The following DACH2 variants were observed in gnomAD, a reference collection of about 807,000 sequenced individuals.
DACH2 encodes dachshund homolog 2.
DACH2 carries 17 observed loss-of-function variants against 35.8 expected under a neutral mutation model. The observed-to-expected ratio is 0.48, with a 90% confidence interval of 0.33 to 0.71. The LOEUF is 0.71. Ranked by LOEUF, DACH2 falls within the 30% of genes least tolerant of loss-of-function variation. The pLI is 0.02. For missense variants in DACH2, 469 were observed against 472.7 expected (o/e 0.99, Z 0.07); for synonymous variants, 195 against 177.3 (o/e 1.10, Z -0.79).
chrX:86,319,217 C>T (rs771994078), intron 1 of DACH2, among the ~76,000 whole-genome samples: 1 of 112,260 alleles, frequency 8.9e-6, no homozygotes, highest in South Asian at 3.7e-4. Context: ...CACAGAGTTT[C>T]CTTTGCAAGA....
intron 2 of DACH2, among the ~76,000 whole-genome samples, chrX:86,437,238 G>A (rs1190346666): frequency 9.0e-6 from 1 of 111,524 alleles, no homozygotes; most frequent in African/African-American, 3.3e-5. Context: ...TAATGATCAA[G>A]TTGGGATATT....
chrX:86,620,279 C>T (rs1350611669), intron 3 of DACH2, among the ~76,000 whole-genome samples: 4 of 111,493 alleles, frequency 3.6e-5, no homozygotes, highest in African/African-American at 9.8e-5. Context: ...AGAAAAAGGC[C>T]GTGAACTAGG....
rs779474589 is a variant in DACH2, at chrX:86,803,275, C to A, written c.1241-9581C>A. ...TGTGTGTGGGAGAGAAAGGTTTATGCTTTAAATTTTTTTGCTCAGAGGACT... is the reference window on the plus strand; with the variant it reads ...TGTGTGTGGGAGAGAAAGGTTTATGATTTAAATTTTTTTGCTCAGAGGACT... On this transcript the variant is annotated intron_variant, in intron 7 of 11. Coordinates refer to ENST00000373125, the MANE Select transcript of DACH2 (RefSeq NM_053281.3). Among the ~76,000 whole-genome samples, 3 of 111,637 alleles carry A rather than the reference C, an allele frequency of 2.7e-5. No homozygotes were observed. In the East Asian group the frequency reaches 8.5e-4, roughly 31 times the overall value.
intron 3 of DACH2, among the ~76,000 whole-genome samples, chrX:86,642,251 G>A (rs80086331): frequency 0.094 from 10,429 of 110,963 alleles, 500 homozygotes; most frequent in South Asian, 0.33. Context: ...AAAATAAAGG[G>A]ATGTAGAAAA....
intron 4 of DACH2, among the ~76,000 whole-genome samples, chrX:86,653,113 C>T (rs1314031627): frequency 1.8e-5 from 2 of 111,698 alleles, no homozygotes; most frequent in East Asian, 5.6e-4. Flanking sequence ...TTTGTATATG[C>T]TGTAAAGAAC....
At chrX:86,722,529 TTA>T in intron 6 of DACH2, among the ~76,000 whole-genome samples, 1 of 109,002 alleles carries the variant, frequency 9.2e-6, no homozygotes, top group East Asian at 2.9e-4. Flanking sequence ...GTTTTTTTTT[TTA>T]TTTTATTTTT....
At chrX:86,247,486 C>A (rs2033309589) in intron 1 of DACH2, among the ~76,000 whole-genome samples, 1 of 111,594 alleles carries the variant, frequency 9.0e-6, no homozygotes, top group South Asian at 3.7e-4. Flanking sequence ...GTGATTATTA[C>A]AAATACCTTT....
chrX:86,346,626 C>T (rs1036400542), intron 1 of DACH2, among the ~76,000 whole-genome samples: 1 of 111,659 alleles, frequency 9.0e-6, no homozygotes, highest in Non-Finnish European at 1.9e-5. Flanking sequence ...CTTATTTTCT[C>T]GCTATATATT....
intron 11 of DACH2, among the ~76,000 whole-genome samples, chrX:86,820,517 A>G (rs1463621557): frequency 9.1e-6 from 1 of 110,017 alleles, no homozygotes; most frequent in Admixed American, 9.8e-5. Flanking sequence ...TATTAAGAGT[A>G]CAGACTGGCC....
chrX:86,281,103 C>A (rs982252689), intron 1 of DACH2, among the ~76,000 whole-genome samples: 6 of 111,197 alleles, frequency 5.4e-5, no homozygotes, highest in Non-Finnish European at 1.1e-4. Flanking sequence ...GAAAACCTAA[C>A]AGATATCTAC....
At chrX:86,772,626 G>T (rs2041997333) in intron 7 of DACH2, among the ~76,000 whole-genome samples, 1 of 111,686 alleles carries the variant, frequency 9.0e-6, no homozygotes, top group Non-Finnish European at 1.9e-5. Flanking sequence ...TGAAAACAAA[G>T]AATATTGTGT....
chrX:86,369,451 C>A (rs2035854303), intron 1 of DACH2, among the ~76,000 whole-genome samples: 1 of 110,605 alleles, frequency 9.0e-6, no homozygotes, highest in Admixed American at 9.7e-5. Flanking sequence ...TTTTGACTCC[C>A]AGTAATACAT....
chrX:86,456,349 C>G (rs2148203971), intron 2 of DACH2, among the ~76,000 whole-genome samples: 1 of 111,890 alleles, frequency 8.9e-6, no homozygotes, highest in East Asian at 2.8e-4. Flanking sequence ...CTTAACATAT[C>G]AATTATAATT....
At chrX:86,462,923 T>C (rs1342290751) in intron 2 of DACH2, among the ~76,000 whole-genome samples, 1 of 111,682 alleles carries the variant, frequency 9.0e-6, no homozygotes, top group African/African-American at 3.2e-5. Context: ...CACTAAGTTA[T>C]AGCAAGGTCT....
chrX:86,687,976 G>A (rs2040966848), intron 4 of DACH2, among the ~76,000 whole-genome samples: 1 of 110,521 alleles, frequency 9.0e-6, no homozygotes, highest in African/African-American at 3.3e-5. Flanking sequence ...AACCACCAGG[G>A]CAAGTGTATA....
chrX:86,403,140 T>C (rs2036464319), intron 2 of DACH2, among the ~76,000 whole-genome samples: 1 of 112,334 alleles, frequency 8.9e-6, no homozygotes, highest in Non-Finnish European at 1.9e-5. Flanking sequence ...AAACTTTGAC[T>C]AAGTCCTCAA....
At chrX:86,801,770 A>G (rs1300828246) in intron 7 of DACH2, among the ~76,000 whole-genome samples, 1 of 112,242 alleles carries the variant, frequency 8.9e-6, no homozygotes, top group Non-Finnish European at 1.9e-5. Flanking sequence ...TAATCCTCTG[A>G]AATATCTTCT....
rs1300429426 is a variant in DACH2 at position 86,369,136 on chromosome X, A to C, written c.489-7688A>C. 7.2e-5 allele frequency among the ~76,000 whole-genome samples: 8 copies of C among 111,143 alleles called. No homozygotes were observed. The Admixed American group carries it at 7.7e-4, about 11-fold the overall frequency. On this transcript the variant is annotated intron_variant, in intron 1 of 11. Transcript: ENST00000373125. ...ACTGTAAAACTATACAACAAGTGGT[A>C]TTATTATTTAAATATGAGATTTTGA...
At chrX:86,241,765 C>G (rs1602315772) in intron 1 of DACH2, among the ~76,000 whole-genome samples, 1 of 112,408 alleles carries the variant, frequency 8.9e-6, no homozygotes, top group East Asian at 2.8e-4. Flanking sequence ...GTCCAGGGCT[C>G]AGCTACTCTG....
Sources: gnomAD v4.1 joint callset for allele counts (sites outside exome capture counted in the v4.1 genomes callset) on GRCh38, gnomAD v4.1.1 for gene constraint, MANE v1.5 for transcripts, NCBI Gene and HGNC (gene_info 2026-07-23, HGNC 2026-07-21) for gene names.